ARFGEF3: variants seen among roughly 807,000 people sequenced by gnomAD.
The protein encoded by ARFGEF3 is ARFGEF family member 3.
Under a neutral mutation model 221.7 loss-of-function variants are expected in ARFGEF3, and 96 were observed. That is an observed-to-expected ratio of 0.43 (90% confidence interval 0.37 to 0.51). The LOEUF (loss-of-function observed/expected upper bound fraction) is 0.51. ARFGEF3 is among the 20% of genes least tolerant of loss of function. ARFGEF3 has a pLI of 0.00. For synonymous variants in ARFGEF3, 1,145 were observed against 1,126.8 expected, an observed-to-expected ratio of 1.02 and a Z score of -0.32; for missense variants, 2,410 against 2,789.9, an observed-to-expected ratio of 0.86 and a Z score of 3.07.
rs1268704845 is a variant in ARFGEF3, at chr6:138,289,898, A to T, written c.2977A>T (p.Met993Leu). Residue 993 changes from methionine to leucine, a missense_variant, in exon 18 of 34, where the codon ATG (methionine) becomes TTG (leucine). Coordinates refer to ENST00000251691, the MANE Select transcript of ARFGEF3 (RefSeq NM_020340.5). ...VWLHTAHVLC[M>L]EAILSVGLEM... ...GCTGCACACTGCCCACGTCTTGTGC[A>T]TGGAGGCCATCCTCAGCGTAGGCCT... 6.2e-7 allele frequency: 1 copy of T among 1,613,992 alleles called. No individual in the cohort carries two copies. The highest frequency in any genetic ancestry group is 8.5e-7 in the Non-Finnish European group (1 of 1,179,878).
intron 12 of ARFGEF3, among the ~76,000 whole-genome samples, chr6:138,266,721 C>A (rs1410651966): frequency 6.6e-6 from 1 of 151,408 alleles, no homozygotes; most frequent in African/African-American, 2.4e-5. Context: ...TGGTGGCAGG[C>A]GCCTGTAGTC....
intron 21 of ARFGEF3, 115 bp downstream of exon 21, chr6:138,297,070 G>T (rs1450320474): frequency 1.7e-6 from 2 of 1,173,908 alleles, no homozygotes; most frequent in East Asian, 2.4e-5. Context: ...TTGGGCAGTG[G>T]GAACTTGCCT....
intron 2 of ARFGEF3, among the ~76,000 whole-genome samples, chr6:138,199,857 C>T (rs6925294): frequency 0.017 from 2,548 of 152,186 alleles, 36 homozygotes; most frequent in Middle Eastern, 0.061. Context: ...CTGATTTGGA[C>T]GCCCTTTATT....
At chr6:138,206,690 C>G (rs975307063) in intron 2 of ARFGEF3, among the ~76,000 whole-genome samples, 3 of 152,110 alleles carry the variant, frequency 2.0e-5, no homozygotes, top group Non-Finnish European at 2.9e-5. Context: ...GTTGTTCACC[C>G]CCAGGTGTGC....
At chr6:138,239,142 T>C (rs933093307) in intron 6 of ARFGEF3, among the ~76,000 whole-genome samples, 1 of 152,148 alleles carries the variant, frequency 6.6e-6, no homozygotes, top group African/African-American at 2.4e-5. Context: ...CTTGAACAGA[T>C]TGTCTAAAGT....
At chr6:138,210,805 AT>A (rs761451635) in intron 4 of ARFGEF3, among the ~76,000 whole-genome samples, 1 of 152,234 alleles carries the variant, frequency 6.6e-6, no homozygotes, top group Non-Finnish European at 1.5e-5. Context: ...AGTTGGTGTC[AT>A]CCCATGGTGG....
chr6:138,290,110 C>A, intron 18 of ARFGEF3, 142 bp downstream of exon 18: 1 of 799,366 alleles, frequency 1.3e-6, no homozygotes, highest in Non-Finnish European at 1.9e-6. Flanking sequence ...TTTGATTAAA[C>A]TTCAAATGAG....
chr6:138,216,070 C>T (rs1777846468), intron 4 of ARFGEF3: 1 of 151,730 alleles, frequency 6.6e-6, no homozygotes, highest in African/African-American at 2.4e-5. Flanking sequence ...CCTCCACCTT[C>T]CGGGTTCAAG....
In ARFGEF3 at chr6:138,313,944, G is replaced by A; in HGVS notation, c.4345+5G>A. 6.2e-7 allele frequency: 1 copy of A among 1,613,454 alleles called. No individual in the cohort carries two copies. The highest frequency in any genetic ancestry group is 8.5e-7 in the Non-Finnish European group (1 of 1,179,638). On this transcript the variant is annotated splice_donor_5th_base_variant and intron_variant, in intron 26 of 33. Coordinates refer to ENST00000251691, the MANE Select transcript of ARFGEF3 (RefSeq NM_020340.5). ...CTGATTTTGATGATGACACCGGTAA[G>A]CTAATTGATTGGACTAAACTAGGTT...
rs41289775 is a variant in ARFGEF3 at position 138,319,783 on chromosome 6, C to T, written c.4555C>T (p.His1519Tyr). Residue 1519 changes from histidine (H) to tyrosine (Y), a missense_variant, in exon 28 of 34, where the codon CAT becomes TAT. Transcript: ENST00000251691. Reference protein sequence around the residue: ...SVWLRRSHKDHSYWDMASANF... With the variant: ...SVWLRRSHKDYSYWDMASANF... ...TTGGCTCCGCCGGAGCCATAAAGAC[C>T]ATTCCTACTGGGATATGGCCTCTGC... The T allele has an allele frequency of 4.3e-4, 693 of 1,613,854 alleles. No individual in the cohort carries two copies. Among genetic ancestry groups the T allele is most frequent in the Non-Finnish European group, 5.2e-4 (611 of 1,179,768 alleles).
intron 6 of ARFGEF3, among the ~76,000 whole-genome samples, chr6:138,239,465 T>C (rs1424757152): frequency 2.0e-5 from 3 of 151,960 alleles, no homozygotes; most frequent in African/African-American, 4.8e-5. Flanking sequence ...CTGGCCAACA[T>C]AGCGAAACCC....
chr6:138,286,121 A>T, intron 15 of ARFGEF3, 68 bp downstream of exon 15: 1 of 963,752 alleles, frequency 1.0e-6, no homozygotes, highest in Non-Finnish European at 1.6e-6. Context: ...TTACATTGTT[A>T]TGTGGTGACT....
At chr6:138,259,842 A>G (rs1403179494) in intron 10 of ARFGEF3, among the ~76,000 whole-genome samples, 1 of 152,114 alleles carries the variant, frequency 6.6e-6, no homozygotes, top group African/African-American at 2.4e-5. Context: ...TGAACCCAGG[A>G]GGCGGAGGTT....
chr6:138,314,931 A>G (rs1008064032), intron 26 of ARFGEF3, among the ~76,000 whole-genome samples: 2 of 152,236 alleles, frequency 1.3e-5, no homozygotes, highest in East Asian at 3.8e-4. Context: ...TCACTTTACA[A>G]TGGATGCCTC....
intron 2 of ARFGEF3, among the ~76,000 whole-genome samples, chr6:138,190,659 T>C (rs1583002583): frequency 6.6e-6 from 1 of 152,208 alleles, no homozygotes; most frequent in South Asian, 2.1e-4. Flanking sequence ...CCCACGTTCC[T>C]GCCCATTTTA....
chr6:138,223,966 C>G (rs989656998), intron 4 of ARFGEF3, among the ~76,000 whole-genome samples: 2 of 152,202 alleles, frequency 1.3e-5, no homozygotes, highest in Non-Finnish European at 2.9e-5. Context: ...TGTCCAACAA[C>G]TACGCTGGAT....
At chr6:138,335,265 G>A in intron 33 of ARFGEF3, 77 bp downstream of exon 33, 2 of 1,376,904 alleles carry the variant, frequency 1.5e-6, no homozygotes, top group Non-Finnish European at 1.9e-6. Context: ...TGCAGAGCAG[G>A]CATACACAGG....
At chr6:138,318,807 T>C (rs1470368928) in intron 27 of ARFGEF3, among the ~76,000 whole-genome samples, 2 of 152,206 alleles carry the variant, frequency 1.3e-5, no homozygotes, top group East Asian at 1.9e-4. Context: ...TGATTTTCAT[T>C]ATAGCATAGT....
intron 2 of ARFGEF3, 71 bp downstream of exon 2, chr6:138,170,784 G>A: frequency 1.2e-6 from 1 of 863,900 alleles, no homozygotes; most frequent in South Asian, 1.4e-5. Context: ...AACCACATTG[G>A]TTTACAGTGT....
Sources: allele counts gnomAD v4.1 joint callset (sites outside exome capture counted in the v4.1 genomes callset), GRCh38; gene constraint gnomAD v4.1.1; transcripts MANE v1.5; gene names NCBI Gene and HGNC (gene_info 2026-07-23, HGNC 2026-07-21).